Variants in DENND2C observed in about 807,000 individuals in gnomAD.
DENND2C encodes DENN domain-containing protein 2C.
A neutral mutation model predicts 112.4 loss-of-function variants in DENND2C; 72 were observed. That is an observed-to-expected ratio of 0.64 (90% CI 0.53 to 0.78). The LOEUF (loss-of-function observed/expected upper bound fraction) is 0.78. Among genes scored for constraint, DENND2C ranks in the 30% least tolerant of loss-of-function variants. The pLI, the probability that DENND2C is intolerant of heterozygous loss-of-function variation, is 0.00. For synonymous variants in DENND2C, 329 were observed against 381.6 expected (o/e 0.86, Z 1.61); for missense variants, 992 against 1,113.8 (o/e 0.89, Z 1.56).
chr1:114,589,544 A>T (rs912911336), intron 18 of DENND2C, among the ~76,000 whole-genome samples: 61 of 149,034 alleles, frequency 4.1e-4, no homozygotes, highest in African/African-American at 1.5e-3. Flanking sequence ...TTTTTAATTA[A>T]TTTTTTTTTG....
intron 8 of DENND2C, among the ~76,000 whole-genome samples, chr1:114,613,566 TA>T (rs1655879833): frequency 6.6e-6 from 1 of 152,048 alleles, no homozygotes. Flanking sequence ...GAGAAAGAAA[TA>T]AACACTGTGA....
At chr1:114,604,241 G>A (rs1433445453) in intron 11 of DENND2C, among the ~76,000 whole-genome samples, 4 of 152,220 alleles carry the variant, frequency 2.6e-5, no homozygotes, top group African/African-American at 7.2e-5. Flanking sequence ...CTATTATCCA[G>A]AAGGTCATTA....
At position 114,623,029 on chromosome 1, in the gene DENND2C, T is replaced by C; in HGVS notation, c.1014A>G (p.Ala338=). 1 of 1,613,584 alleles carries C rather than the reference T, an allele frequency of 6.2e-7. No homozygotes were observed. Among genetic ancestry groups the C allele is most frequent in the Non-Finnish European group, 8.5e-7 (1 of 1,179,718 alleles). ...QPLPMWRSPS[A]WKLPPAKSAF... ...CACTTTTAGCGGGTGGTAGCTTCCATGCTGAAGGGGATCTCCACATAGGTA... is the reference window on the plus strand; with the variant it reads ...CACTTTTAGCGGGTGGTAGCTTCCACGCTGAAGGGGATCTCCACATAGGTA... The change falls in exon 6 of 21, where the codon GCA becomes GCG. Residue 338 remains alanine (A), a synonymous_variant. Coordinates refer to ENST00000393274, the MANE Select transcript of DENND2C (RefSeq NM_001256404.2).
At chr1:114,628,570 T>TG (rs1461881295) in intron 3 of DENND2C, among the ~76,000 whole-genome samples, 2 of 152,244 alleles carry the variant, frequency 1.3e-5, no homozygotes, top group African/African-American at 2.4e-5. Context: ...ACTAGATCTA[T>TG]GACTGTTACT....
At chr1:114,596,397 A>G (rs1262275696) in intron 16 of DENND2C, among the ~76,000 whole-genome samples, 1 of 152,190 alleles carries the variant, frequency 6.6e-6, no homozygotes, top group African/African-American at 2.4e-5. Flanking sequence ...AATAAGTACA[A>G]TGTGTGGACT....
intron 3 of DENND2C, among the ~76,000 whole-genome samples, chr1:114,644,057 A>G (rs1031315827): frequency 2.0e-5 from 3 of 152,318 alleles, no homozygotes; most frequent in East Asian, 1.9e-4. Context: ...TGTTATCCCC[A>G]TAACTAATCC....
chr1:114,608,434 G>C (rs942808921), intron 10 of DENND2C, among the ~76,000 whole-genome samples: 1 of 152,158 alleles, frequency 6.6e-6, no homozygotes, highest in Admixed American at 6.5e-5. Context: ...TTTGTAACTT[G>C]TTAAAGATTA....
At chr1:114,605,516 G>A (rs1483707652) in intron 10 of DENND2C, among the ~76,000 whole-genome samples, 6 of 152,168 alleles carry the variant, frequency 3.9e-5, no homozygotes, top group South Asian at 2.1e-4. Context: ...GAAAAGATAC[G>A]GCCAGATGCA....
rs537621654 is a variant in DENND2C at position 114,632,047 on chromosome 1, G to C, written c.-204-5859C>G. 3.9e-5 allele frequency among the ~76,000 whole-genome samples: 6 copies of C among 152,214 alleles called. No individual in the cohort carries two copies. In the East Asian group the frequency reaches 1.2e-3, roughly 29 times the overall value. ...TGAATAGCAGATTTTAGTTGTTTTAGAAGGAATGACCAATAAAGTTGAATA... is the reference window on the plus strand; with the variant it reads ...TGAATAGCAGATTTTAGTTGTTTTACAAGGAATGACCAATAAAGTTGAATA... On this transcript the variant is annotated intron_variant, in intron 3 of 20. Transcript: ENST00000393274.
In DENND2C at chr1:114,611,054, G is replaced by C. The variant is rs2101655295; in HGVS notation, c.1369+19C>G. 6.2e-7 allele frequency: 1 copy of C among 1,614,090 alleles called. No homozygotes were observed. Among genetic ancestry groups the C allele is most frequent in the South Asian group, 1.1e-5 (1 of 91,076 alleles). The stretch of plus-strand genomic sequence containing the variant: ...CATGATCATCACAACAACGGGAGCA[G>C]CCCCATTGACTCACTCACTCTTTGG... On this transcript the variant is annotated intron_variant, in intron 9 of 20. Coordinates refer to ENST00000393274, the MANE Select transcript of DENND2C (RefSeq NM_001256404.2).
chr1:114,649,824 A>G (rs1357347520), intron 2 of DENND2C, among the ~76,000 whole-genome samples: 1 of 152,222 alleles, frequency 6.6e-6, no homozygotes, highest in Non-Finnish European at 1.5e-5. Context: ...AAAAGTTTTA[A>G]AAGTCACAAA....
chr1:114,661,336 T>C (rs1156649869), intron 1 of DENND2C, among the ~76,000 whole-genome samples: 1 of 152,184 alleles, frequency 6.6e-6, no homozygotes, highest in Non-Finnish European at 1.5e-5. Flanking sequence ...GCATCAAAAA[T>C]CATGAGCACA....
chr1:114,656,689 C>T (rs901886135), intron 1 of DENND2C, among the ~76,000 whole-genome samples: 4 of 152,032 alleles, frequency 2.6e-5, no homozygotes, highest in Non-Finnish European at 5.9e-5. Context: ...AGCCGCCGCA[C>T]CCGGCCTAAA....
At chr1:114,623,485 C>A (rs1202606309) in intron 5 of DENND2C, 22 bp downstream of exon 5, 13 of 1,593,822 alleles carry the variant, frequency 8.2e-6, no homozygotes, top group Non-Finnish European at 1.1e-5. Context: ...CTAAATTTAA[C>A]TGCAAAGTTG....
chr1:114,623,975 A>C (rs1442691051), intron 4 of DENND2C, among the ~76,000 whole-genome samples: 1 of 152,200 alleles, frequency 6.6e-6, no homozygotes, highest in Non-Finnish European at 1.5e-5. Context: ...ACTTCAGGTG[A>C]TCTGCCTGCC....
intron 3 of DENND2C, among the ~76,000 whole-genome samples, chr1:114,626,499 ATAAAT>A (rs1035300166): frequency 5.4e-5 from 8 of 148,544 alleles, no homozygotes; most frequent in Admixed American, 2.8e-4. Context: ...TATTTTTGTA[ATAAAT>A]TAATTCTTTT....
chr1:114,653,068 T>C (rs116527891), intron 2 of DENND2C, among the ~76,000 whole-genome samples: 1 of 152,150 alleles, frequency 6.6e-6, no homozygotes, highest in African/African-American at 2.4e-5. Flanking sequence ...AAGCTGACTG[T>C]ATATGATCAG....
At chr1:114,665,499 G>T (rs1657623645) in intron 1 of DENND2C, among the ~76,000 whole-genome samples, 1 of 152,178 alleles carries the variant, frequency 6.6e-6, no homozygotes, top group Non-Finnish European at 1.5e-5. Flanking sequence ...TGCCAAAGCA[G>T]TATGTGCTCA....
rs1253863398 is a variant in DENND2C at position 114,593,083 on chromosome 1, T to G, written c.2431+1390A>C. ...CCTAGGTTCAAGCAATCCTCCTGCC[T>G]TGGCCTCCCAAAGTGCTGGGATTAC... On this transcript the variant is annotated intron_variant, in intron 18 of 20. Coordinates refer to ENST00000393274, the MANE Select transcript of DENND2C (RefSeq NM_001256404.2). Among the ~76,000 whole-genome samples the G allele has an allele frequency of 4.9e-4, 74 of 152,330 alleles. 1 individual carries two copies. Among genetic ancestry groups the G allele is most frequent in the Admixed American group, 4.8e-3 (73 of 15,300 alleles).
Sources: allele counts gnomAD v4.1 joint callset (sites outside exome capture counted in the v4.1 genomes callset), GRCh38; gene constraint gnomAD v4.1.1; transcripts MANE v1.5; gene names NCBI Gene and HGNC (gene_info 2026-07-23, HGNC 2026-07-21).